Variants in CNTNAP4 observed in about 807,000 individuals in gnomAD.
CNTNAP4 encodes the protein contactin-associated protein-like 4.
Under a neutral mutation model 148.4 loss-of-function variants are expected in CNTNAP4, and 98 were observed. The ratio of observed to expected loss-of-function variants is 0.66; its 90% CI spans 0.56 to 0.78. The LOEUF is 0.78. CNTNAP4 is among the 30% of genes least tolerant of loss of function. The pLI, the probability that CNTNAP4 is intolerant of heterozygous loss-of-function variation, is 0.00. For missense variants in CNTNAP4, 1,935 were observed against 1,565.6 expected (o/e 1.24, Z -3.98); for synonymous variants, 730 against 565.1 (o/e 1.29, Z -4.14).
intron 2 of CNTNAP4, among the ~76,000 whole-genome samples, chr16:76,322,346 C>T (rs976181115): frequency 6.6e-6 from 1 of 152,162 alleles, no homozygotes; most frequent in Non-Finnish European, 1.5e-5. Context: ...TCTGAATACT[C>T]ATCCCTAACA....
chr16:76,460,693 C>T (rs1471920639), intron 8 of CNTNAP4, among the ~76,000 whole-genome samples: 1 of 130,752 alleles, frequency 7.6e-6, no homozygotes, highest in East Asian at 2.3e-4. Flanking sequence ...GCAGAGCTTG[C>T]AGTGAGCCGA....
chr16:76,456,118 A>G (rs1202495485), intron 8 of CNTNAP4, among the ~76,000 whole-genome samples: 1 of 149,760 alleles, frequency 6.7e-6, no homozygotes. Context: ...TCCAATTGGC[A>G]TTGTCAATGT....
intron 3 of CNTNAP4, among the ~76,000 whole-genome samples, chr16:76,382,965 A>G (rs1041832557): frequency 6.6e-6 from 1 of 152,248 alleles, no homozygotes; most frequent in African/African-American, 2.4e-5. Context: ...CAATAATACC[A>G]GAAATGGACT....
At position 76,507,299 on chromosome 16, in the gene CNTNAP4, G is replaced by A. The variant is rs1435921294; in HGVS notation, c.2365+8605G>A. 7.2e-5 allele frequency among the ~76,000 whole-genome samples: 7 copies of A among 96,824 alleles called. 2 individuals are homozygous for A. Among genetic ancestry groups the A allele is most frequent in the Non-Finnish European group, 1.2e-4 (4 of 34,102 alleles). The allele number at this position is 96,824 out of a possible 152,430, so 63.5% of individuals were successfully genotyped here. ...TTGACTGTAGTCACCATGTTTTGTC[G>A]TCAAATACAAGGTCTTATTCTTTCT... On this transcript the variant is annotated intron_variant, in intron 15 of 23. Transcript: ENST00000611870.
chr16:76,532,072 C>T (rs2084007458), intron 17 of CNTNAP4, among the ~76,000 whole-genome samples: 1 of 152,118 alleles, frequency 6.6e-6, no homozygotes, highest in Non-Finnish European at 1.5e-5. Flanking sequence ...TCTTGTGTTT[C>T]CCCATCTAAA....
chr16:76,386,971 A>G (rs1597389605), intron 3 of CNTNAP4, among the ~76,000 whole-genome samples: 5 of 152,154 alleles, frequency 3.3e-5, no homozygotes, highest in Admixed American at 3.3e-4. Flanking sequence ...AGATAGAGGA[A>G]GGGAGCCATA....
chr16:76,332,204 T>C (rs2144258650), intron 2 of CNTNAP4, among the ~76,000 whole-genome samples: 1 of 151,294 alleles, frequency 6.6e-6, no homozygotes, highest in African/African-American at 2.4e-5. Flanking sequence ...TGGCTTTGTG[T>C]TTCACCTTAT....
chr16:76,465,732 G>T (rs138042093), intron 9 of CNTNAP4, among the ~76,000 whole-genome samples: 1 of 152,118 alleles, frequency 6.6e-6, no homozygotes, highest in African/African-American at 2.4e-5. Flanking sequence ...AAATTTAAGC[G>T]CTGGAAATGT....
chr16:76,402,702 T>G (rs1329005356), intron 3 of CNTNAP4, among the ~76,000 whole-genome samples: 2 of 152,102 alleles, frequency 1.3e-5, no homozygotes, highest in Non-Finnish European at 2.9e-5. Flanking sequence ...GTGCCATGAA[T>G]TTTTGCCTTA....
At chr16:76,551,291 G>A (rs28378375) in intron 21 of CNTNAP4, among the ~76,000 whole-genome samples, 12,557 of 151,674 alleles carry the variant, frequency 0.083, 835 homozygotes, top group African/African-American at 0.18. Flanking sequence ...CCAGCTACTC[G>A]GGAGGCTGAG....
chr16:76,372,206 C>G (rs527777688), intron 3 of CNTNAP4, among the ~76,000 whole-genome samples: 4 of 145,610 alleles, frequency 2.7e-5, no homozygotes, highest in Non-Finnish European at 5.9e-5. Flanking sequence ...GTGGCGCAAT[C>G]TCGGTTCACT....
At chr16:76,371,345 G>A (rs750005119) in intron 3 of CNTNAP4, among the ~76,000 whole-genome samples, 7 of 152,114 alleles carry the variant, frequency 4.6e-5, no homozygotes, top group Non-Finnish European at 8.8e-5. Context: ...GAGTGCAGTG[G>A]CACGATCTTG....
chr16:76,374,742 CTATTATTATTATTATTAT>C (rs34594219), intron 3 of CNTNAP4, among the ~76,000 whole-genome samples: 2 of 131,616 alleles, frequency 1.5e-5, no homozygotes, highest in South Asian at 4.9e-4. Context: ...GACTATGACA[CTATTATTATTATTATTAT>C]TATTATTATT....
At chr16:76,308,346 A>C (rs1254014882) in intron 1 of CNTNAP4, among the ~76,000 whole-genome samples, 2 of 152,248 alleles carry the variant, frequency 1.3e-5, no homozygotes, top group Non-Finnish European at 2.9e-5. Context: ...AGACGATGCC[A>C]GGATTGGCTC....
chr16:76,518,253 A>G lies in CNTNAP4; in HGVS notation c.2366-2887A>G, dbSNP rs34297305. Among the ~76,000 whole-genome samples, 386 of 151,936 alleles carry G rather than the reference A, an allele frequency of 2.5e-3. 2 individuals carry two copies. The highest frequency in any genetic ancestry group is 2.5e-3 in the Non-Finnish European group (167 of 67,958). Reference sequence around the variant, plus strand: ...AGTGATTCTCCTGCCTCAGCCTCCTAAGTAGTGGGGGTTACAGGCATCTGC... The same window carrying G: ...AGTGATTCTCCTGCCTCAGCCTCCTGAGTAGTGGGGGTTACAGGCATCTGC... On this transcript the variant is annotated intron_variant, in intron 15 of 23. Transcript: ENST00000611870.
chr16:76,417,662 G>T (rs1394864057), intron 3 of CNTNAP4, among the ~76,000 whole-genome samples: 1 of 151,478 alleles, frequency 6.6e-6, no homozygotes, highest in Non-Finnish European at 1.5e-5. Context: ...AAAAATAAAT[G>T]ATCTTACTTC....
At chr16:76,496,997 G>A (rs1162027007) in intron 14 of CNTNAP4, among the ~76,000 whole-genome samples, 4 of 152,078 alleles carry the variant, frequency 2.6e-5, no homozygotes, top group African/African-American at 9.7e-5. Flanking sequence ...GGAACCAAAG[G>A]TAAATTTTAG....
At chr16:76,291,981 A>C (rs1959135362) in intron 1 of CNTNAP4, among the ~76,000 whole-genome samples, 2 of 152,178 alleles carry the variant, frequency 1.3e-5, no homozygotes, top group Admixed American at 6.5e-5. Context: ...CAAAGGTTTC[A>C]CAGTAGCCCA....
chr16:76,427,509 A>G lies in CNTNAP4; in HGVS notation c.448A>G (p.Ile150Val), dbSNP rs774987407. ...TGTGTACTATAGACTCCAGCCTTCT[A>G]TCAAAGCCAGATTTCTGCGCTTCAT... is the stretch of plus-strand genomic sequence containing the variant. ...SVVYYRLQPSIKARFLRFIPL... is the reference protein window; with the variant it reads ...SVVYYRLQPSVKARFLRFIPL... The change falls in exon 4 of 24, where the codon ATC becomes GTC. Residue 150 changes from isoleucine to valine, a missense_variant. By Grantham distance (29) the Ile-to-Val change is conservative. Coordinates refer to ENST00000611870, the MANE Select transcript of CNTNAP4 (RefSeq NM_033401.5). 1.2e-6 allele frequency: 2 copies of G among 1,613,388 alleles called. No homozygotes were observed. Among genetic ancestry groups the G allele is most frequent in the Non-Finnish European group, 1.7e-6 (2 of 1,179,520 alleles).
Sources: allele counts gnomAD v4.1 joint callset (sites outside exome capture counted in the v4.1 genomes callset), GRCh38; gene constraint gnomAD v4.1.1; transcripts MANE v1.5; gene names NCBI Gene and HGNC (gene_info 2026-07-23, HGNC 2026-07-21).